The following SLC38A8 variants were observed in gnomAD, a reference collection of about 807,000 sequenced individuals.
SLC38A8 encodes amino acid transporter SLC38A8.
In SLC38A8, 65 loss-of-function variants were observed where a neutral mutation model predicts 46.0. The observed-to-expected ratio is 1.41, with a 90% CI of 1.16 to 1.74. The LOEUF (loss-of-function observed/expected upper bound fraction) is 1.74, where lower values mean the gene tolerates loss of function less well. Ranked by LOEUF, SLC38A8 falls within the 40% of genes most tolerant of loss-of-function variation. The pLI is 0.00. For synonymous variants in SLC38A8, 447 were observed against 243.7 expected (o/e 1.83, Z -7.77); for missense variants, 998 against 567.9 (o/e 1.76, Z -7.70).
intron 6 of SLC38A8, among the ~76,000 whole-genome samples, chr16:84,024,471 G>A: frequency 6.6e-6 from 1 of 152,120 alleles, no homozygotes; most frequent in East Asian, 2.0e-4. Flanking sequence ...GAGCCACCAT[G>A]CCCAAGGGGG....
At chr16:84,041,138 G>C (rs987943865) in intron 2 of SLC38A8, 7 of 152,270 alleles carry the variant, frequency 4.6e-5, no homozygotes, top group African/African-American at 1.7e-4. Flanking sequence ...GCTCATCAGT[G>C]GCTCTCCCGC....
At chr16:84,031,999 A>G (rs774009688) in intron 4 of SLC38A8, 31 bp from the exon 5 acceptor site, 4 of 1,585,416 alleles carry the variant, frequency 2.5e-6, no homozygotes, top group African/African-American at 1.3e-5. Flanking sequence ...GGGGCTGCGC[A>G]GTGGGTGACA....
intron 10 of SLC38A8, among the ~76,000 whole-genome samples, chr16:84,010,633 G>A (rs2084941947): frequency 6.6e-6 from 1 of 152,154 alleles, no homozygotes; most frequent in Non-Finnish European, 1.5e-5. Flanking sequence ...TGTATTCCCA[G>A]CTATGTGGGA....
chr16:84,020,904 G>C (rs946432610), intron 7 of SLC38A8, among the ~76,000 whole-genome samples: 7 of 152,336 alleles, frequency 4.6e-5, no homozygotes, highest in Middle Eastern at 6.8e-3. Context: ...AAGAGTTCCA[G>C]ATCTTGCTGC....
chr16:84,032,171 T>A (rs1567700857), intron 4 of SLC38A8, among the ~76,000 whole-genome samples: 1 of 34,036 alleles, frequency 2.9e-5, no homozygotes, highest in East Asian at 2.2e-3. Context: ...GATGTAGAGT[T>A]TTGTTGTTGT....
rs144724564 is a variant in SLC38A8 at position 84,013,133 on chromosome 16, G to A, written c.1163-81C>T. 3.8e-5 allele frequency: 59 copies of A among 1,547,176 alleles called. No homozygotes were observed. The East Asian group carries it at 9.2e-4, about 24-fold the overall frequency. ...AAAGGTCCCGGGAGAGGTCCTCAGG[G>A]ACCCAGGAGGCCAGCAAGGCCTCCG... is the stretch of plus-strand genomic sequence containing the variant. On this transcript the variant is annotated intron_variant, in intron 9 of 10. Coordinates refer to ENST00000299709, the MANE Select transcript of SLC38A8 (RefSeq NM_001080442.3).
At chr16:84,010,077 T>TC (rs1336586305) in intron 10 of SLC38A8, among the ~76,000 whole-genome samples, 200 bp from the exon 11 acceptor site, 1 of 147,104 alleles carries the variant, frequency 6.8e-6, no homozygotes, top group Admixed American at 6.7e-5. Flanking sequence ...ATTTTTTTTT[T>TC]TTTTTTTTTT....
At chr16:84,017,454 A>G (rs1045969451) in intron 7 of SLC38A8, among the ~76,000 whole-genome samples, 167 bp from the exon 8 acceptor site, 5 of 152,170 alleles carry the variant, frequency 3.3e-5, no homozygotes. Context: ...AAGCCTACAC[A>G]TGACTGTGCT....
chr16:84,017,215 A>G lies in SLC38A8; in HGVS notation c.878T>C (p.Met293Thr), dbSNP rs756384825. The G allele has an allele frequency of 3.3e-5, 54 of 1,613,998 alleles. 2 individuals carry two copies. The South Asian group carries it at 5.3e-4, about 16-fold the overall frequency. ...AAGGACCCGGGCCACAATGATGACC[A>G]TATCATTGCCTGGGTAGGACATCAA... Reference protein sequence around the residue: ...DVLMSYPGNDMVIIVARVLFA... With the variant: ...DVLMSYPGNDTVIIVARVLFA... Residue 293 changes from methionine to threonine, a missense_variant, in exon 8 of 11, where the codon ATG (methionine) becomes ACG (threonine). Coordinates refer to ENST00000299709, the MANE Select transcript of SLC38A8 (RefSeq NM_001080442.3).
chr16:84,021,493 G>A lies in SLC38A8; in HGVS notation c.805+1282C>T, dbSNP rs116787773. Among the ~76,000 whole-genome samples, 811 of 152,178 alleles carry A rather than the reference G, an allele frequency of 5.3e-3. 10 individuals are homozygous for A. Among genetic ancestry groups the A allele is most frequent in the African/African-American group, 0.019 (774 of 41,520 alleles). On this transcript the variant is annotated intron_variant, in intron 7 of 10. Coordinates refer to ENST00000299709, the MANE Select transcript of SLC38A8 (RefSeq NM_001080442.3). The stretch of plus-strand genomic sequence containing the variant: ...TTCCAAAACCTTGTTCCTCAGTTCC[G>A]TCTGAAACCTCCTCAGAACAGACTT...
intron 3 of SLC38A8, among the ~76,000 whole-genome samples, chr16:84,033,804 C>A (rs901439355): frequency 3.3e-5 from 5 of 152,132 alleles, no homozygotes; most frequent in African/African-American, 1.2e-4. Context: ...TTCGGGAACT[C>A]AATAGTATCT....
chr16:84,021,633 T>C (rs945476023), intron 7 of SLC38A8, among the ~76,000 whole-genome samples: 1 of 152,198 alleles, frequency 6.6e-6, no homozygotes, highest in Non-Finnish European at 1.5e-5. Context: ...TCCTCCGAAT[T>C]CTTCCAGCCT....
chr16:84,022,325 C>A (rs1463879428), intron 7 of SLC38A8, among the ~76,000 whole-genome samples: 1 of 152,212 alleles, frequency 6.6e-6, no homozygotes, highest in African/African-American at 2.4e-5. Context: ...CTCTCTGAGC[C>A]ACACTTTCAT....
Position 84,009,764 on chromosome 16 carries a change from T to G in SLC38A8, c.*20A>C. ...GGTCAGCCCCCGGAGGGCCCCTTCC[T>G]GCCCGGCACTAGCTGCCCATCAGAA... is the stretch of plus-strand genomic sequence containing the variant. On this transcript the variant is annotated 3_prime_UTR_variant, in exon 11 of 11. Transcript: ENST00000299709. 1.2e-6 allele frequency: 2 copies of G among 1,608,958 alleles called. No individual in the cohort carries two copies. The highest frequency in any genetic ancestry group is 1.1e-5 in the South Asian group (1 of 90,374).
At chr16:84,025,282 C>T (rs909630614) in intron 6 of SLC38A8, among the ~76,000 whole-genome samples, 12 of 152,146 alleles carry the variant, frequency 7.9e-5, no homozygotes, top group African/African-American at 2.7e-4. Flanking sequence ...CATTCCTGCC[C>T]GCCCTGTAGG....
chr16:84,033,613 TGGAGA>T, intron 3 of SLC38A8, 144 bp from the exon 4 acceptor site: 1 of 887,316 alleles, frequency 1.1e-6, no homozygotes, highest in Non-Finnish European at 1.7e-6. Context: ...ACAAGTGAGA[TGGAGA>T]CAGGTCACGT....
At chr16:84,037,371 TG>T (rs1567704220) in intron 2 of SLC38A8, among the ~76,000 whole-genome samples, 1 of 149,202 alleles carries the variant, frequency 6.7e-6, no homozygotes, top group African/African-American at 2.5e-5. Context: ...ATCTGTGAAA[TG>T]GGGGCGGCAC....
intron 10 of SLC38A8, among the ~76,000 whole-genome samples, chr16:84,011,575 G>A (rs1050648217): frequency 5.3e-5 from 8 of 152,222 alleles, no homozygotes; most frequent in African/African-American, 1.9e-4. Flanking sequence ...ATGGGGTGAA[G>A]GGTGGCCCCC....
Position 84,017,164 on chromosome 16 carries a change from T to C in SLC38A8, c.929A>G (p.Tyr310Cys), listed in dbSNP as rs185341230. 8 of 1,613,704 alleles carry C rather than the reference T, an allele frequency of 5.0e-6. No homozygotes were observed. In the South Asian group the frequency reaches 5.5e-5, roughly 11 times the overall value. The change falls in exon 8 of 11, where the codon TAC becomes TGC. Residue 310 changes from tyrosine to cysteine, a missense_variant. Tyr to Cys is a radical substitution (Grantham distance 194). Coordinates refer to ENST00000299709, the MANE Select transcript of SLC38A8 (RefSeq NM_001080442.3). The part of the protein sequence containing the change: ...VLFAVSIVTV[Y>C]PIVLFLGRSV... The stretch of plus-strand genomic sequence containing the variant: ...CCTCCCCAGGAAGAGCACGATGGGG[T>C]AGACAGTTACGATGGAGACAGCAAA...
Sources: gnomAD v4.1 joint callset for allele counts (sites outside exome capture counted in the v4.1 genomes callset) on GRCh38, gnomAD v4.1.1 for gene constraint, MANE v1.5 for transcripts, NCBI Gene and HGNC (gene_info 2026-07-23, HGNC 2026-07-21) for gene names.